The following CLVS1 variants were observed in gnomAD, a reference collection of about 807,000 sequenced individuals.
CLVS1 encodes clavesin 1.
In CLVS1, 10 loss-of-function variants were observed where a neutral mutation model predicts 33.1. The observed-to-expected ratio is 0.30, with a 90% CI of 0.19 to 0.51. CLVS1 has a LOEUF of 0.51. CLVS1 is among the 20% of genes least tolerant of loss of function. The pLI, the probability that CLVS1 is intolerant of heterozygous loss-of-function variation, is 0.97. For synonymous variants in CLVS1, 163 were observed against 166.1 expected (o/e 0.98, Z 0.14); for missense variants, 343 against 433.4 (o/e 0.79, Z 1.85).
chr8:61,145,937 G>A (rs1297067532), intron 2 of CLVS1, among the ~76,000 whole-genome samples: 1 of 152,184 alleles, frequency 6.6e-6, no homozygotes, highest in East Asian at 1.9e-4. Flanking sequence ...AGTAATCAGA[G>A]GAAATTTCTT....
intron 3 of CLVS1, among the ~76,000 whole-genome samples, chr8:61,381,308 C>G (rs1197579066): frequency 6.6e-6 from 1 of 152,108 alleles, no homozygotes. Flanking sequence ...GACTTTCTAA[C>G]TTTTAGTCCA....
Position 61,185,435 on chromosome 8 carries a change from T to G in CLVS1, c.-152+53575T>G, listed in dbSNP as rs145882563. The stretch of plus-strand genomic sequence containing the variant: ...TCCAAAAGTCCTGGAATTATAGGCA[T>G]GAACCACCACTCTCAGTTAAGAATT... On this transcript the variant is annotated intron_variant, in intron 2 of 2. Coordinates refer to the CLVS1 transcript ENST00000522621. Among the ~76,000 whole-genome samples, 824 of 152,108 alleles carry G rather than the reference T, an allele frequency of 5.4e-3. 7 individuals are homozygous for G. The highest frequency in any genetic ancestry group is 0.019 in the African/African-American group (777 of 41,500).
At chr8:61,323,803 C>T (rs1334993858) in intron 2 of CLVS1, among the ~76,000 whole-genome samples, 1 of 152,126 alleles carries the variant, frequency 6.6e-6, no homozygotes, top group Non-Finnish European at 1.5e-5. Flanking sequence ...CCCTCTCTCT[C>T]CTCCTGCACT....
At chr8:61,181,540 A>T (rs1807227929) in intron 2 of CLVS1, among the ~76,000 whole-genome samples, 1 of 152,134 alleles carries the variant, frequency 6.6e-6, no homozygotes, top group East Asian at 1.9e-4. Context: ...TCTAAGCAAA[A>T]AGAAGAAAGT....
rs181699620 is a variant in CLVS1, at chr8:61,319,430, C to T, written c.455+19148C>T. Among the ~76,000 whole-genome samples, 169 of 152,266 alleles carry T rather than the reference C, an allele frequency of 1.1e-3. 1 individual carries two copies. Among genetic ancestry groups the T allele is most frequent in the Non-Finnish European group, 2.0e-3 (138 of 68,014 alleles). ...CCCCATTCTGTGTCATGCCCAAAGA[C>T]AGGAAGGCAATGTTCTCTTCACTCC... On this transcript the variant is annotated intron_variant, in intron 2 of 5. Coordinates refer to ENST00000325897, the MANE Select transcript of CLVS1 (RefSeq NM_173519.3).
intron 1 of CLVS1, among the ~76,000 whole-genome samples, chr8:61,114,361 C>T (rs73257907): frequency 1.3e-5 from 2 of 152,272 alleles, no homozygotes; most frequent in East Asian, 1.9e-4. Flanking sequence ...GCATCATCTA[C>T]AGCAAATTGC....
the CLVS1 span, among the ~76,000 whole-genome samples, chr8:60,969,370 AAGTGT>A: frequency 6.6e-6 from 1 of 152,074 alleles, no homozygotes; most frequent in African/African-American, 2.4e-5. Flanking sequence ...TATACTCTTT[AAGTGT>A]AGGGGTGCAT....
At chr8:61,232,771 G>A (rs1808475407) in intron 2 of CLVS1, among the ~76,000 whole-genome samples, 2 of 152,148 alleles carry the variant, frequency 1.3e-5, no homozygotes, top group Non-Finnish European at 2.9e-5. Flanking sequence ...GCAACTGTCT[G>A]ACAATATCAT....
At chr8:61,209,758 A>C (rs1807933724) in intron 2 of CLVS1, among the ~76,000 whole-genome samples, 1 of 152,226 alleles carries the variant, frequency 6.6e-6, no homozygotes, top group Non-Finnish European at 1.5e-5. Flanking sequence ...TAGCCAATTA[A>C]ATAGATGAAT....
chr8:61,104,538 G>A (rs56141423), intron 1 of CLVS1, among the ~76,000 whole-genome samples: 2,051 of 152,240 alleles, frequency 0.013, 31 homozygotes, highest in East Asian at 0.069. Flanking sequence ...ATTAGTTTTA[G>A]TAATCTTTAA....
intron 1 of CLVS1, among the ~76,000 whole-genome samples, chr8:61,120,110 C>A (rs1805825100): frequency 6.8e-6 from 1 of 147,908 alleles, no homozygotes; most frequent in Non-Finnish European, 1.5e-5. Flanking sequence ...CTTCTCGCTT[C>A]ATTTCATTCA....
intron 2 of CLVS1, among the ~76,000 whole-genome samples, chr8:61,343,531 A>G (rs1308628111): frequency 6.6e-6 from 1 of 152,206 alleles, no homozygotes; most frequent in East Asian, 1.9e-4. Context: ...TACTTGTACT[A>G]CATAATTTGG....
At chr8:61,048,494 C>A in the CLVS1 span, among the ~76,000 whole-genome samples, 15 of 152,170 alleles carry the variant, frequency 9.9e-5, 1 homozygote, top group African/African-American at 3.4e-4. Context: ...GGGCTGAATG[C>A]CCCAGATGCT....
At chr8:60,979,997 C>G in the CLVS1 span, among the ~76,000 whole-genome samples, 1 of 152,142 alleles carries the variant, frequency 6.6e-6, no homozygotes, top group Non-Finnish European at 1.5e-5. Flanking sequence ...TTTTTCACTT[C>G]TGGTCAACAG....
At chr8:61,081,895 C>T (rs1489349899) in intron 1 of CLVS1, among the ~76,000 whole-genome samples, 3 of 152,212 alleles carry the variant, frequency 2.0e-5, no homozygotes, top group Non-Finnish European at 4.4e-5. Context: ...TTACCCAGTA[C>T]ATCCCATTCA....
At chr8:61,133,183 C>T (rs573580538) in intron 2 of CLVS1, among the ~76,000 whole-genome samples, 1 of 152,222 alleles carries the variant, frequency 6.6e-6, no homozygotes, top group South Asian at 2.1e-4. Context: ...GTAGGGAAGG[C>T]AGATGGGAAA....
intron 2 of CLVS1, among the ~76,000 whole-genome samples, chr8:61,161,044 A>G (rs1224783543): frequency 6.6e-6 from 1 of 152,242 alleles, no homozygotes; most frequent in East Asian, 1.9e-4. Flanking sequence ...TCTCCAAAGA[A>G]AATAAATAAA....
chr8:61,065,324 C>T (rs1027625825), intron 1 of CLVS1, among the ~76,000 whole-genome samples: 2 of 152,158 alleles, frequency 1.3e-5, no homozygotes, highest in African/African-American at 4.8e-5. Flanking sequence ...ATGTTCAGTA[C>T]AGATACAATC....
intron 2 of CLVS1, among the ~76,000 whole-genome samples, chr8:61,262,738 C>T (rs572772905): frequency 6.6e-6 from 1 of 152,256 alleles, no homozygotes; most frequent in Admixed American, 6.5e-5. Context: ...AGGTTGCAGG[C>T]AGAGTGCACA....
Sources: allele counts gnomAD v4.1 joint callset (sites outside exome capture counted in the v4.1 genomes callset), GRCh38; gene constraint gnomAD v4.1.1; transcripts MANE v1.5; gene names NCBI Gene and HGNC (gene_info 2026-07-23, HGNC 2026-07-21).